RHOQ: variants seen among roughly 807,000 people sequenced by gnomAD.
RHOQ encodes ras homolog family member Q, also known as rho-related GTP-binding protein RhoQ.
Under a neutral mutation model 25.8 loss-of-function variants are expected in RHOQ, and 7 were observed. The ratio of observed to expected loss-of-function variants is 0.27; its 90% CI spans 0.15 to 0.51. The LOEUF (loss-of-function observed/expected upper bound fraction) is 0.51, where lower values mean the gene tolerates loss of function less well. Among genes scored for constraint, RHOQ ranks in the 20% least tolerant of loss-of-function variants. The probability of loss-of-function intolerance (pLI) is 0.97; values close to 1 mark genes in which losing one functional copy is unlikely to be tolerated. For synonymous variants in RHOQ, 97 were observed against 98.6 expected (o/e 0.98, Z 0.10); for missense variants, 165 against 260.6 (o/e 0.63, Z 2.53).
Position 46,566,622 on chromosome 2 carries a change from CG to C in RHOQ, c.202-9460del, listed in dbSNP as rs898984561. On this transcript the variant is annotated intron_variant, in intron 2 of 4. Transcript: ENST00000238738. This position sits in a 1 kb window ranked among gnomAD's most constrained non-coding sequence, Gnocchi z 4.2. ...GTTTTCAAATTTTGTGACTTTTTTG[CG>C]GGGGTCGGGGGCTCACCTTTTAATG... Among the ~76,000 whole-genome samples, 3 of 152,108 alleles carry C rather than the reference CG, an allele frequency of 2.0e-5. No homozygotes were observed. Among genetic ancestry groups the C allele is most frequent in the East Asian group, 1.9e-4 (1 of 5,176 alleles).
chr2:46,562,234 G>A (rs1424278568), intron 2 of RHOQ, among the ~76,000 whole-genome samples: 1 of 152,106 alleles, frequency 6.6e-6, no homozygotes, highest in Non-Finnish European at 1.5e-5. Flanking sequence ...TCCAGTGATA[G>A]TTTTCCACCA....
chr2:46,553,155 G>A (rs140824255), intron 2 of RHOQ, among the ~76,000 whole-genome samples: 430 of 152,092 alleles, frequency 2.8e-3, no homozygotes, highest in African/African-American at 9.2e-3. Flanking sequence ...TGATTGTGAC[G>A]CAGGCTAAAC....
At chr2:46,575,195 T>C (rs1669070571) in intron 2 of RHOQ, among the ~76,000 whole-genome samples, 1 of 152,156 alleles carries the variant, frequency 6.6e-6, no homozygotes, top group Admixed American at 6.6e-5. Flanking sequence ...TAGAAAGATG[T>C]CCAAGACAAA....
rs752212928 is a variant in RHOQ at position 46,581,547 on chromosome 2, C to A, written c.*464C>A. 4 of 1,611,576 alleles carry A rather than the reference C, an allele frequency of 2.5e-6. No homozygotes were observed. The highest frequency in any genetic ancestry group is 3.4e-6 in the Non-Finnish European group (4 of 1,179,582). ...AGAGTGGTGAAATAACAAGGCCAGC[C>A]ACGTAGCCAAAGGTCGCTCCAAGCG... On this transcript the variant is annotated 3_prime_UTR_variant, in exon 5 of 5. Transcript: ENST00000238738.
chr2:46,577,564 T>TA (rs1669176305), intron 4 of RHOQ, among the ~76,000 whole-genome samples: 1 of 135,756 alleles, frequency 7.4e-6, no homozygotes, highest in Non-Finnish European at 1.6e-5. Flanking sequence ...CACACCCGGC[T>TA]ATTTTTTTTT....
intron 2 of RHOQ, among the ~76,000 whole-genome samples, chr2:46,574,048 A>G (rs988499157): frequency 2.0e-5 from 3 of 152,226 alleles, no homozygotes; most frequent in African/African-American, 7.2e-5. Flanking sequence ...GGATTTGCAG[A>G]GGAATAAGAG....
In RHOQ at chr2:46,543,343, C is replaced by T; in HGVS notation, c.142+155C>T. The stretch of plus-strand genomic sequence containing the variant: ...GCGGCCGGCCCCACCCCCGAAGCTT[C>T]GCTCCTGGCAACCCCTCGCCCGCTG... On this transcript the variant is annotated intron_variant, in intron 1 of 4. Coordinates refer to ENST00000238738, the MANE Select transcript of RHOQ (RefSeq NM_012249.4). The T allele has an allele frequency of 4.0e-6, 3 of 749,322 alleles. No homozygotes were observed. The South Asian group carries it at 5.0e-5, about 12-fold the overall frequency. The allele number at this position is 749,322 out of a possible 1,614,324, so 46.4% of individuals were successfully genotyped here. A position where few individuals can be genotyped will look rare whatever the true frequency, so the allele number is the denominator to read the frequency against.
intron 2 of RHOQ, among the ~76,000 whole-genome samples, chr2:46,547,749 G>A (rs1668117190): frequency 2.0e-5 from 3 of 152,210 alleles, no homozygotes; most frequent in African/African-American, 7.2e-5. Context: ...TTCAGTGTAG[G>A]CTCTGCAGCA....
In RHOQ at chr2:46,576,004, C is replaced by T. The variant is rs1194633811; in HGVS notation, c.202-83C>T. The T allele has an allele frequency of 7.4e-6, 9 of 1,220,266 alleles. No individual in the cohort carries two copies. Among genetic ancestry groups the T allele is most frequent in the Non-Finnish European group, 1.0e-5 (9 of 902,102 alleles). 75.6% of individuals were successfully genotyped at this position (1,220,266 alleles called of 1,614,324 possible). Reference sequence around the variant, plus strand: ...TAGTGGAGTACTCCTGAATTTGCATCTTTGACCATGTAATCTAATGTACAT... The same window carrying T: ...TAGTGGAGTACTCCTGAATTTGCATTTTTGACCATGTAATCTAATGTACAT... On this transcript the variant is annotated intron_variant, in intron 2 of 4. Coordinates refer to ENST00000238738, the MANE Select transcript of RHOQ (RefSeq NM_012249.4). The surrounding 1 kb of genome is among the most constrained non-coding windows in gnomAD (Gnocchi z 5.1).
chr2:46,553,656 C>T (rs1668313360), intron 2 of RHOQ, among the ~76,000 whole-genome samples: 1 of 152,016 alleles, frequency 6.6e-6, no homozygotes, highest in Non-Finnish European at 1.5e-5. Context: ...TCTTGGCTCA[C>T]TCAACCTCCA....
At chr2:46,562,907 C>T (rs1268385699) in intron 2 of RHOQ, among the ~76,000 whole-genome samples, 1 of 152,178 alleles carries the variant, frequency 6.6e-6, no homozygotes, top group Admixed American at 6.5e-5. Context: ...CTATTTATTA[C>T]TCTGCCCCAA....
rs565349060 is a variant in RHOQ, at chr2:46,581,482, T to C, written c.*399T>C. On this transcript the variant is annotated 3_prime_UTR_variant, in exon 5 of 5. Coordinates refer to ENST00000238738, the MANE Select transcript of RHOQ (RefSeq NM_012249.4). ...AAATATCTCCCTTTGCTCCAGTTAA[T>C]TGTTCTTGTATGTAAGTTGCTTTCT... 1.3e-5 allele frequency: 21 copies of C among 1,610,892 alleles called. No homozygotes were observed. The East Asian group carries it at 4.2e-4, about 33-fold the overall frequency.
In RHOQ at chr2:46,543,787, T is replaced by C; in HGVS notation, c.176T>C (p.Leu59Pro). Residue 59 changes from leucine (L) to proline (P), a missense_variant, in exon 2 of 5, where the codon CTA becomes CCA. Transcript: ENST00000238738. ...ACCGTGGGGGGCAAGCAGTACCTCC[T>C]AGGACTCTATGACACGGCCGGACAG... is the stretch of plus-strand genomic sequence containing the variant. ...SVTVGGKQYLLGLYDTAGQED... is the reference protein window; with the variant it reads ...SVTVGGKQYLPGLYDTAGQED... 6.2e-7 allele frequency: 1 copy of C among 1,613,684 alleles called. No individual in the cohort carries two copies. Among genetic ancestry groups the C allele is most frequent in the Admixed American group, 1.7e-5 (1 of 59,986 alleles).
chr2:46,543,876 G>T (rs1202406197), intron 2 of RHOQ, 64 bp downstream of exon 2: 1 of 1,474,516 alleles, frequency 6.8e-7, no homozygotes, highest in Non-Finnish European at 9.4e-7. Context: ...GGCTGCGAAG[G>T]GCCTTTGGAA....
At chr2:46,546,519 CATATAT>C (rs1404045435) in intron 2 of RHOQ, among the ~76,000 whole-genome samples, 1 of 38,130 alleles carries the variant, frequency 2.6e-5, no homozygotes, top group African/African-American at 1.3e-4. Flanking sequence ...TATGTATATA[CATATAT>C]ATATATACAC....
chr2:46,548,641 A>G lies in RHOQ; in HGVS notation c.201+4829A>G, dbSNP rs1394981894. Among the ~76,000 whole-genome samples the G allele has an allele frequency of 1.3e-5, 2 of 152,168 alleles. No homozygotes were observed. The highest frequency in any genetic ancestry group is 2.9e-5 in the Non-Finnish European group (2 of 68,022). ...CTGGGTCCTTGTAGCCCCGTGTTCC[A>G]TCCTTGCTCAGCCCGGTGAGCAGAG... On this transcript the variant is annotated intron_variant, in intron 2 of 4. Coordinates refer to ENST00000238738, the MANE Select transcript of RHOQ (RefSeq NM_012249.4). The surrounding 1 kb of genome is among the most constrained non-coding windows in gnomAD (Gnocchi z 5.2).
At position 46,552,580 on chromosome 2, in the gene RHOQ, G is replaced by A. The variant is rs1668276556; in HGVS notation, c.201+8768G>A. Among the ~76,000 whole-genome samples the A allele has an allele frequency of 6.6e-6, 1 of 152,214 alleles. No individual in the cohort carries two copies. The highest frequency in any genetic ancestry group is 1.5e-5 in the Non-Finnish European group (1 of 68,034). On this transcript the variant is annotated intron_variant, in intron 2 of 4. Coordinates refer to ENST00000238738, the MANE Select transcript of RHOQ (RefSeq NM_012249.4). The surrounding 1 kb of genome is among the most constrained non-coding windows in gnomAD (Gnocchi z 5.0). ...TGGCGCAAAACTTCCTCTGCCACCT[G>A]CTGCTCATATTGTTTGCCCTCTTGG...
intron 2 of RHOQ, among the ~76,000 whole-genome samples, chr2:46,571,004 G>A (rs910547907): frequency 6.6e-6 from 1 of 152,160 alleles, no homozygotes; most frequent in Non-Finnish European, 1.5e-5. Flanking sequence ...TCACTGATAA[G>A]TCTCCCGTTT....
At position 46,552,710 on chromosome 2, in the gene RHOQ, C is replaced by T. The variant is rs1174795810; in HGVS notation, c.201+8898C>T. ...AGAGAACATTCATCCAGTCAGTCAA[C>T]ATACATTTCCTGAGCACCAGATCTG... On this transcript the variant is annotated intron_variant, in intron 2 of 4. Coordinates refer to ENST00000238738, the MANE Select transcript of RHOQ (RefSeq NM_012249.4). This position sits in a 1 kb window ranked among gnomAD's most constrained non-coding sequence, Gnocchi z 5.0. Among the ~76,000 whole-genome samples, 1 of 152,232 alleles carries T rather than the reference C, an allele frequency of 6.6e-6. No homozygotes were observed. The highest frequency in any genetic ancestry group is 1.5e-5 in the Non-Finnish European group (1 of 68,044).
Sources: allele counts gnomAD v4.1 joint callset (sites outside exome capture counted in the v4.1 genomes callset), GRCh38; gene constraint gnomAD v4.1.1; non-coding constraint Gnocchi (gnomAD v3.1); transcripts MANE v1.5; gene names NCBI Gene and HGNC (gene_info 2026-07-23, HGNC 2026-07-21).